The following GLRX3 variants were observed in gnomAD, a reference collection of about 807,000 sequenced individuals.
GLRX3 encodes glutaredoxin-3.
In GLRX3, 22 loss-of-function variants were observed where a neutral mutation model predicts 49.5. The ratio of observed to expected loss-of-function variants is 0.44; its 90% CI spans 0.32 to 0.63. The LOEUF (loss-of-function observed/expected upper bound fraction) is 0.63, where lower values mean the gene tolerates loss of function less well. Ranked by LOEUF, GLRX3 falls within the 30% of genes least tolerant of loss-of-function variation. GLRX3 has a pLI of 0.05. For missense variants in GLRX3, 385 were observed against 396.3 expected (o/e 0.97, Z 0.24); for synonymous variants, 133 against 140.0 (o/e 0.95, Z 0.35).
At chr10:130,144,975 T>C (rs970382565) in intron 1 of GLRX3, among the ~76,000 whole-genome samples, 12 of 152,250 alleles carry the variant, frequency 7.9e-5, no homozygotes, top group African/African-American at 2.9e-4. Flanking sequence ...TCAGATCTAC[T>C]TCAAATGGGC....
chr10:130,172,415 C>A (rs575919632), intron 8 of GLRX3, among the ~76,000 whole-genome samples: 53 of 152,094 alleles, frequency 3.5e-4, no homozygotes, highest in Admixed American at 1.0e-3. Context: ...AAGAACATTG[C>A]CATTGATTTT....
intron 1 of GLRX3, among the ~76,000 whole-genome samples, chr10:130,138,868 T>TC (rs1554954458): frequency 6.9e-6 from 1 of 143,920 alleles, no homozygotes; most frequent in Non-Finnish European, 1.5e-5. Flanking sequence ...TTTTTTTTTT[T>TC]GGGGGGGAGA....
chr10:130,163,852 C>A (rs1468806414), intron 4 of GLRX3, among the ~76,000 whole-genome samples: 1 of 152,216 alleles, frequency 6.6e-6, no homozygotes, highest in African/African-American at 2.4e-5. Flanking sequence ...GCCATCTCAT[C>A]TTGTGAACAC....
chr10:130,162,262 C>T (rs981533555), intron 4 of GLRX3, among the ~76,000 whole-genome samples: 1 of 152,160 alleles, frequency 6.6e-6, no homozygotes, highest in African/African-American at 2.4e-5. Context: ...GGATTATAGG[C>T]GTGAGCCACC....
chr10:130,162,970 T>TA (rs1862605220), intron 4 of GLRX3, among the ~76,000 whole-genome samples: 1 of 152,196 alleles, frequency 6.6e-6, no homozygotes. Context: ...GAGAGAAACT[T>TA]AGACATTTTA....
intron 1 of GLRX3, among the ~76,000 whole-genome samples, chr10:130,142,364 C>G (rs999437233): frequency 6.6e-6 from 1 of 152,164 alleles, no homozygotes; most frequent in Non-Finnish European, 1.5e-5. Flanking sequence ...GTAGCCTTAC[C>G]CATTCTTAAT....
At chr10:130,176,112 GTTTTTTTT>G (rs553426083) in intron 10 of GLRX3, among the ~76,000 whole-genome samples, 1 of 139,116 alleles carries the variant, frequency 7.2e-6, no homozygotes, top group Admixed American at 7.2e-5. Flanking sequence ...TAAAATAAAA[GTTTTTTTT>G]TTTTTTTTAC....
At chr10:130,178,675 G>A (rs1350177760) in intron 10 of GLRX3, among the ~76,000 whole-genome samples, 3 of 151,918 alleles carry the variant, frequency 2.0e-5, no homozygotes, top group Non-Finnish European at 4.4e-5. Flanking sequence ...ACAATCTGTT[G>A]GTTTTAGGAT....
intron 2 of GLRX3, among the ~76,000 whole-genome samples, chr10:130,155,680 G>A (rs565055003): frequency 1.3e-5 from 2 of 152,304 alleles, no homozygotes; most frequent in South Asian, 4.1e-4. Context: ...GTATAGTCTG[G>A]AGGTGAGGGG....
At chr10:130,138,100 C>G (rs988397574) in intron 1 of GLRX3, among the ~76,000 whole-genome samples, 8 of 152,028 alleles carry the variant, frequency 5.3e-5, no homozygotes, top group Non-Finnish European at 1.0e-4. Context: ...CTCTGTTGCC[C>G]AGGCTGAGTG....
At chr10:130,142,521 A>C (rs1364833796) in intron 1 of GLRX3, among the ~76,000 whole-genome samples, 1 of 152,032 alleles carries the variant, frequency 6.6e-6, no homozygotes, top group Non-Finnish European at 1.5e-5. Flanking sequence ...CATTTGCACT[A>C]TCCCCTAGTA....
At chr10:130,137,906 T>A (rs542620547) in intron 1 of GLRX3, among the ~76,000 whole-genome samples, 3 of 152,160 alleles carry the variant, frequency 2.0e-5, no homozygotes, top group African/African-American at 7.2e-5. Context: ...GTCTAATTTT[T>A]ATTTTTTTTT....
At chr10:130,144,034 T>TA (rs944838416) in intron 1 of GLRX3, among the ~76,000 whole-genome samples, 5 of 151,966 alleles carry the variant, frequency 3.3e-5, no homozygotes, top group African/African-American at 9.7e-5. Context: ...TTAAAAAGTA[T>TA]AAAAAAAAGT....
chr10:130,163,553 A>G (rs538295269), intron 4 of GLRX3, among the ~76,000 whole-genome samples: 1 of 152,228 alleles, frequency 6.6e-6, no homozygotes, highest in Non-Finnish European at 1.5e-5. Context: ...AAGTACTTCT[A>G]TATAATTTTT....
intron 4 of GLRX3, among the ~76,000 whole-genome samples, chr10:130,165,493 A>T (rs1460798693): frequency 6.6e-6 from 1 of 152,128 alleles, no homozygotes; most frequent in Non-Finnish European, 1.5e-5. Flanking sequence ...TAGTAAAAAA[A>T]TTACATTACA....
intron 1 of GLRX3, among the ~76,000 whole-genome samples, chr10:130,142,443 T>A (rs2134871003): frequency 6.6e-6 from 1 of 152,312 alleles, no homozygotes; most frequent in Admixed American, 6.5e-5. Flanking sequence ...TGCTCTGGAT[T>A]TCCCCTCTCC....
intron 2 of GLRX3, among the ~76,000 whole-genome samples, chr10:130,150,349 C>G (rs1248406780): frequency 1.3e-5 from 2 of 152,120 alleles, no homozygotes; most frequent in Non-Finnish European, 2.9e-5. Context: ...GCTTACTGCT[C>G]CCATCCTGCT....
rs1158770234 is a variant in GLRX3 at position 130,160,989 on chromosome 10, C to T, written c.470C>T (p.Pro157Leu). 6.2e-7 allele frequency: 1 copy of T among 1,610,866 alleles called. No individual in the cohort carries two copies. Among genetic ancestry groups the T allele is most frequent in the Non-Finnish European group, 8.5e-7 (1 of 1,177,916 alleles). Residue 157 changes from proline to leucine, a missense_variant, in exon 4 of 11, where the codon CCA becomes CTA. By Grantham distance (98) the Pro-to-Leu change is moderately conservative. This residue lies in a region of GLRX3 where 374 missense variants were observed against 358.6 expected (regional missense o/e 1.04). Transcript: ENST00000331244. ...MLFMKGTPQEPRCGFSKQMVE... is the reference protein window; with the variant it reads ...MLFMKGTPQELRCGFSKQMVE... ...TTTATGAAAGGAACTCCTCAAGAAC[C>T]ACGCTGTGGTAAGAAGCTGCCTTTA...
intron 1 of GLRX3, among the ~76,000 whole-genome samples, chr10:130,144,395 C>G (rs901348819): frequency 6.0e-5 from 9 of 150,754 alleles, no homozygotes; most frequent in Non-Finnish European, 2.9e-5. Flanking sequence ...CACCTATCAA[C>G]CCATCATCTA....
Sources: allele counts gnomAD v4.1 joint callset (sites outside exome capture counted in the v4.1 genomes callset), GRCh38; gene constraint gnomAD v4.1.1; regional missense constraint gnomAD v4.1.1; transcripts MANE v1.5; gene names NCBI Gene and HGNC (gene_info 2026-07-23, HGNC 2026-07-21).